The following ULK4 variants were observed in gnomAD, a reference collection of about 807,000 sequenced individuals.
The protein encoded by ULK4 is inactive serine/threonine-protein kinase ULK4.
Under a neutral mutation model 160.6 loss-of-function variants are expected in ULK4, and 133 were observed. The observed-to-expected ratio is 0.83, with a 90% CI of 0.72 to 0.96. The LOEUF is 0.96. ULK4 is among the 40% of genes least tolerant of loss of function. The pLI is 0.00. For synonymous variants in ULK4, 534 were observed against 539.8 expected, an observed-to-expected ratio of 0.99 and a Z score of 0.15; for missense variants, 1,580 against 1,499.5, an observed-to-expected ratio of 1.05 and a Z score of -0.89.
Position 41,529,727 on chromosome 3 carries a change from A to T in ULK4, c.3226+36298T>A, listed in dbSNP as rs192622927. Among the ~76,000 whole-genome samples the T allele has an allele frequency of 1.9e-3, 282 of 152,294 alleles. 5 individuals are homozygous for T. Among genetic ancestry groups the T allele is most frequent in the Non-Finnish European group, 3.2e-4 (22 of 68,028 alleles). ...AGGCTGGTCTCGAACTCCTGGCCTC[A>T]AGCAATCCACCTGCCTCAGCCTCCC... On this transcript the variant is annotated intron_variant, in intron 32 of 36. Transcript: ENST00000301831.
At chr3:41,841,341 C>T (rs1486751673) in intron 17 of ULK4, among the ~76,000 whole-genome samples, 2 of 140,580 alleles carry the variant, frequency 1.4e-5, no homozygotes, top group African/African-American at 5.3e-5. Flanking sequence ...GCGTCTCTGT[C>T]CGGCCACCCC....
chr3:41,860,823 A>T (rs2042483418), intron 17 of ULK4, among the ~76,000 whole-genome samples: 1 of 152,004 alleles, frequency 6.6e-6, no homozygotes, highest in African/African-American at 2.4e-5. Context: ...TCCACTAGTG[A>T]AGGTGATTTT....
intron 32 of ULK4, among the ~76,000 whole-genome samples, chr3:41,552,861 A>G (rs545175368): frequency 4.6e-5 from 7 of 152,108 alleles, no homozygotes; most frequent in Non-Finnish European, 1.0e-4. Flanking sequence ...ACACATTACA[A>G]GGCTATGTAA....
chr3:41,574,559 T>TTTTGG (rs2088121301), intron 31 of ULK4, among the ~76,000 whole-genome samples: 1 of 124,538 alleles, frequency 8.0e-6, no homozygotes, highest in Admixed American at 8.3e-5. Flanking sequence ...TTTTTTTTTT[T>TTTTGG]GAGACAGAGT....
At chr3:41,884,397 T>C (rs1409974368) in intron 16 of ULK4, among the ~76,000 whole-genome samples, 1 of 152,228 alleles carries the variant, frequency 6.6e-6, no homozygotes. Flanking sequence ...ATGTATTCAG[T>C]GTAAAAGAAA....
chr3:41,824,947 G>C (rs1387823800), intron 18 of ULK4, among the ~76,000 whole-genome samples: 3 of 152,170 alleles, frequency 2.0e-5, no homozygotes, highest in Non-Finnish European at 4.4e-5. Context: ...ACAGGGCTGG[G>C]TACTCCTCTG....
chr3:41,363,699 A>C (rs1341806767), intron 35 of ULK4, among the ~76,000 whole-genome samples: 1 of 152,178 alleles, frequency 6.6e-6, no homozygotes, highest in Non-Finnish European at 1.5e-5. Context: ...TAAGATGACA[A>C]CTGCCATTTC....
chr3:41,402,658 ATTAAT>A (rs2082205418), intron 34 of ULK4, among the ~76,000 whole-genome samples: 2 of 152,204 alleles, frequency 1.3e-5, no homozygotes, highest in African/African-American at 2.4e-5. Context: ...GGTAAAATAC[ATTAAT>A]TTATGTTTCA....
chr3:41,360,974 G>A (rs780318806), intron 35 of ULK4, among the ~76,000 whole-genome samples: 12 of 152,090 alleles, frequency 7.9e-5, no homozygotes, highest in Admixed American at 2.6e-4. Flanking sequence ...ACAGATGGGT[G>A]ATATATATCA....
In ULK4 at chr3:41,898,431, C is replaced by T; in HGVS notation, c.1348+1G>A. 1.3e-6 allele frequency: 2 copies of T among 1,582,222 alleles called. No homozygotes were observed. Among genetic ancestry groups the T allele is most frequent in the Non-Finnish European group, 1.7e-6 (2 of 1,159,912 alleles). On this transcript the variant is annotated splice_donor_variant, in intron 14 of 36. Transcript: ENST00000301831. LOFTEE classifies it high-confidence loss of function. Reference sequence around the variant, plus strand: ...GTTCGATAAGTCCTTTATGATCCTACCTGAATATGTTGGTAGATGCAATAT... The same window carrying T: ...GTTCGATAAGTCCTTTATGATCCTATCTGAATATGTTGGTAGATGCAATAT...
rs187612254 is a variant in ULK4 at position 41,922,047 on chromosome 3, G to A, written c.542-2229C>T. On this transcript the variant is annotated intron_variant, in intron 5 of 36. Coordinates refer to ENST00000301831, the MANE Select transcript of ULK4 (RefSeq NM_017886.4). ...GCATGCCTGTAATCCCAGCTACTCCGGAGGCTGAGGCAGGAGAATGGCATG... is the reference window on the plus strand; with the variant it reads ...GCATGCCTGTAATCCCAGCTACTCCAGAGGCTGAGGCAGGAGAATGGCATG... Among the ~76,000 whole-genome samples, 10 of 152,158 alleles carry A rather than the reference G, an allele frequency of 6.6e-5. No homozygotes were observed. In the East Asian group the frequency reaches 1.6e-3, roughly 24 times the overall value.
intron 33 of ULK4, 86 bp from the exon 34 acceptor site, chr3:41,455,681 C>T: frequency 1.7e-6 from 2 of 1,184,786 alleles, no homozygotes; most frequent in Non-Finnish European, 2.5e-6. Context: ...ATCGGGCAGA[C>T]ACAAGGGGCT....
intron 25 of ULK4, among the ~76,000 whole-genome samples, chr3:41,710,418 TC>T (rs1287531782): frequency 2.0e-5 from 3 of 151,972 alleles, no homozygotes. Context: ...TTGCACTGTT[TC>T]CCCCTCCCCT....
intron 17 of ULK4, among the ~76,000 whole-genome samples, chr3:41,851,494 G>T (rs192663635): frequency 1.6e-4 from 24 of 152,272 alleles, no homozygotes; most frequent in Middle Eastern, 3.4e-3. Flanking sequence ...TTTTATTGAG[G>T]ATTTTTGCAT....
intron 21 of ULK4, among the ~76,000 whole-genome samples, chr3:41,772,065 T>C (rs7631914): frequency 0.3 from 45,913 of 151,912 alleles, 9,811 homozygotes; most frequent in African/African-American, 0.61. Flanking sequence ...GGGACACATT[T>C]AAAGCACTGT....
At chr3:41,378,572 A>T (rs922148537) in intron 35 of ULK4, among the ~76,000 whole-genome samples, 1 of 151,652 alleles carries the variant, frequency 6.6e-6, no homozygotes, top group Admixed American at 6.6e-5. Flanking sequence ...CATAGGTGGG[A>T]ACTGAACAAT....
chr3:41,639,446 G>A (rs1459636335), intron 30 of ULK4, among the ~76,000 whole-genome samples: 2 of 152,188 alleles, frequency 1.3e-5, no homozygotes, highest in Non-Finnish European at 2.9e-5. Flanking sequence ...ACAAATGGCT[G>A]GGTGTGGTGG....
At chr3:41,889,410 AAAT>A (rs1697836049) in intron 16 of ULK4, among the ~76,000 whole-genome samples, 1 of 152,210 alleles carries the variant, frequency 6.6e-6, no homozygotes, top group Admixed American at 6.5e-5. Context: ...TGGAAATCCT[AAAT>A]AATAAAATGA....
At chr3:41,517,576 T>C (rs2085791772) in intron 32 of ULK4, among the ~76,000 whole-genome samples, 1 of 152,210 alleles carries the variant, frequency 6.6e-6, no homozygotes, top group Non-Finnish European at 1.5e-5. Context: ...TCTTCATAAA[T>C]TACTGTCTTT....
Sources: allele counts gnomAD v4.1 joint callset (sites outside exome capture counted in the v4.1 genomes callset), GRCh38; gene constraint gnomAD v4.1.1; transcripts MANE v1.5; gene names NCBI Gene and HGNC (gene_info 2026-07-23, HGNC 2026-07-21).